Variants in TTC28 observed in about 807,000 individuals in gnomAD.
The protein encoded by TTC28 is tetratricopeptide repeat protein 28.
In TTC28, 61 loss-of-function variants were observed where a neutral mutation model predicts 198.0. The ratio of observed to expected loss-of-function variants is 0.31; its 90% CI spans 0.25 to 0.38. The LOEUF is 0.38. Ranked by LOEUF, TTC28 falls within the 10% of genes least tolerant of loss-of-function variation. The pLI, the probability that TTC28 is intolerant of heterozygous loss-of-function variation, is 1.00. For synonymous variants in TTC28, 1,171 were observed against 1,297.8 expected (o/e 0.90, Z 2.10); for missense variants, 2,678 against 3,164.0 (o/e 0.85, Z 3.69).
chr22:28,498,191 T>C (rs903685157), intron 2 of TTC28, among the ~76,000 whole-genome samples: 1 of 149,982 alleles, frequency 6.7e-6, no homozygotes, highest in Non-Finnish European at 1.5e-5. Context: ...AGCAAGAAAT[T>C]GGTGGTAATT....
Position 28,107,552 on chromosome 22 carries a change from G to T in TTC28, c.2293C>A (p.Arg765=), listed in dbSNP as rs760658409. 1.3e-6 allele frequency: 2 copies of T among 1,551,638 alleles called. No individual in the cohort carries two copies. The highest frequency in any genetic ancestry group is 4.9e-5 in the East Asian group (2 of 40,928). ...SAYAALGTAY[R]MIQKYDKALG... is the part of the protein sequence containing the mutation. ...GCCTTGTCATACTTCTGGATCATTC[G>T]GTATGCAGTGCCCAGGGCTGCATAT... The change falls in exon 7 of 23, where the codon CGA becomes AGA. Residue 765 remains arginine, a synonymous_variant. Coordinates refer to ENST00000397906, the MANE Select transcript of TTC28 (RefSeq NM_001145418.2).
intron 2 of TTC28, among the ~76,000 whole-genome samples, chr22:28,490,161 T>C (rs748673047): frequency 8.5e-5 from 13 of 152,170 alleles, no homozygotes; most frequent in Non-Finnish European, 1.8e-4. Context: ...CTGACTCAAA[T>C]GTTAATCTCC....
At chr22:28,034,386 T>C (rs1939248639) in intron 12 of TTC28, among the ~76,000 whole-genome samples, 1 of 152,212 alleles carries the variant, frequency 6.6e-6, no homozygotes, top group Non-Finnish European at 1.5e-5. Flanking sequence ...CACTCCTGTC[T>C]ACCCAGCTCT....
chr22:28,321,983 C>T (rs1182957006), intron 2 of TTC28, among the ~76,000 whole-genome samples: 1 of 152,160 alleles, frequency 6.6e-6, no homozygotes, highest in Non-Finnish European at 1.5e-5. Flanking sequence ...AGGTGCCCAC[C>T]ACCATGCCCG....
chr22:28,309,490 T>C (rs903529778), intron 2 of TTC28, among the ~76,000 whole-genome samples: 4 of 152,202 alleles, frequency 2.6e-5, no homozygotes, highest in African/African-American at 9.7e-5. Flanking sequence ...TCAGGATATG[T>C]TGAGATTCAC....
intron 3 of TTC28, among the ~76,000 whole-genome samples, chr22:28,299,130 G>C (rs1569246489): frequency 6.6e-6 from 1 of 151,494 alleles, no homozygotes; most frequent in East Asian, 1.9e-4. Flanking sequence ...TTTCTTTAAA[G>C]ACAAGTGCAG....
At chr22:27,996,942 TAAAC>T (rs754969679) in intron 16 of TTC28, among the ~76,000 whole-genome samples, 10 of 152,338 alleles carry the variant, frequency 6.6e-5, no homozygotes, top group South Asian at 4.1e-4. Flanking sequence ...TCAACAAAAC[TAAAC>T]AAACAAAGAT....
At chr22:28,233,197 G>C (rs553688155) in intron 5 of TTC28, among the ~76,000 whole-genome samples, 1 of 151,888 alleles carries the variant, frequency 6.6e-6, no homozygotes, top group African/African-American at 2.4e-5. Flanking sequence ...TAAAATTCTG[G>C]ATTTTTTTCA....
chr22:28,333,649 T>C (rs2045652580), intron 2 of TTC28, among the ~76,000 whole-genome samples: 1 of 152,124 alleles, frequency 6.6e-6, no homozygotes, highest in Non-Finnish European at 1.5e-5. Context: ...TCCAGAAATG[T>C]CTTAAATTAC....
At chr22:28,185,263 G>A (rs897317500) in intron 5 of TTC28, among the ~76,000 whole-genome samples, 4 of 151,856 alleles carry the variant, frequency 2.6e-5, no homozygotes, top group Non-Finnish European at 4.4e-5. Context: ...CAGAACTCAC[G>A]GTCCCTCAGA....
At chr22:28,072,394 G>C (rs530273415) in intron 12 of TTC28, among the ~76,000 whole-genome samples, 2 of 152,262 alleles carry the variant, frequency 1.3e-5, no homozygotes, top group South Asian at 2.1e-4. Flanking sequence ...CATGATCACT[G>C]CTAAGTCGTC....
At chr22:28,279,435 A>G (rs1305840884) in intron 5 of TTC28, among the ~76,000 whole-genome samples, 1 of 152,046 alleles carries the variant, frequency 6.6e-6, no homozygotes, top group Non-Finnish European at 1.5e-5. Flanking sequence ...CAATGGTGCA[A>G]TCTTGGCTCA....
intron 2 of TTC28, among the ~76,000 whole-genome samples, chr22:28,418,042 C>G (rs1326241129): frequency 6.6e-6 from 1 of 152,132 alleles, no homozygotes; most frequent in East Asian, 1.9e-4. Flanking sequence ...ACAAGTATAA[C>G]CTACAATGGA....
At chr22:28,508,045 T>C (rs2048636999) in intron 2 of TTC28, among the ~76,000 whole-genome samples, 1 of 152,084 alleles carries the variant, frequency 6.6e-6, no homozygotes, top group Non-Finnish European at 1.5e-5. Context: ...AGGATGAAAT[T>C]CACACATAAC....
chr22:28,136,907 C>T (rs927349626), intron 6 of TTC28, among the ~76,000 whole-genome samples: 1 of 152,164 alleles, frequency 6.6e-6, no homozygotes, highest in Non-Finnish European at 1.5e-5. Flanking sequence ...AGCTGGAAAA[C>T]TTGGGAGTAC....
intron 5 of TTC28, among the ~76,000 whole-genome samples, chr22:28,197,719 A>G (rs1202641287): frequency 6.6e-6 from 1 of 152,252 alleles, no homozygotes; most frequent in South Asian, 2.1e-4. Context: ...GCAAGAACAG[A>G]AAATTCACTA....
chr22:28,008,565 TA>T (rs1680157812), intron 14 of TTC28: 2 of 152,136 alleles, frequency 1.3e-5, no homozygotes, highest in African/African-American at 4.8e-5. Context: ...GGAATTTAAA[TA>T]AAGGGAAATA....
At chr22:28,144,758 A>G (rs1224124630) in intron 6 of TTC28, among the ~76,000 whole-genome samples, 2 of 152,272 alleles carry the variant, frequency 1.3e-5, no homozygotes, top group Non-Finnish European at 2.9e-5. Context: ...AGCCCGTAGC[A>G]TAGCCTCTTT....
At chr22:28,448,182 C>A (rs980596170) in intron 2 of TTC28, among the ~76,000 whole-genome samples, 1 of 152,088 alleles carries the variant, frequency 6.6e-6, no homozygotes, top group African/African-American at 2.4e-5. Flanking sequence ...TTTATGTCTC[C>A]TTCATTTTTT....
Sources: allele counts gnomAD v4.1 joint callset (sites outside exome capture counted in the v4.1 genomes callset), GRCh38; gene constraint gnomAD v4.1.1; transcripts MANE v1.5; gene names NCBI Gene and HGNC (gene_info 2026-07-23, HGNC 2026-07-21).